Variants in PML observed in about 807,000 individuals in gnomAD.
PML encodes PML nuclear body scaffold.
Under a neutral mutation model 65.2 loss-of-function variants are expected in PML, and 28 were observed. That is an observed-to-expected ratio of 0.43 (90% CI 0.32 to 0.59). The LOEUF is 0.59. Ranked by LOEUF, PML falls within the 20% of genes least tolerant of loss-of-function variation. PML has a pLI of 0.08. For synonymous variants in PML, 500 were observed against 508.8 expected, an observed-to-expected ratio of 0.98 and a Z score of 0.23; for missense variants, 1,021 against 1,203.4, an observed-to-expected ratio of 0.85 and a Z score of 2.24.
intron 7 of PML, among the ~76,000 whole-genome samples, chr15:74,040,685 A>AAG (rs2071676262): frequency 6.6e-6 from 1 of 152,246 alleles, no homozygotes; most frequent in African/African-American, 2.4e-5. Flanking sequence ...CTGGAGTTCC[A>AAG]GTGAGACCAG....
chr15:74,009,748 A>G (rs1326756919), intron 2 of PML, among the ~76,000 whole-genome samples: 1 of 151,752 alleles, frequency 6.6e-6, no homozygotes, highest in Non-Finnish European at 1.5e-5. Flanking sequence ...GTTTGTAGAG[A>G]CGAGTTTTCA....
intron 2 of PML, among the ~76,000 whole-genome samples, chr15:73,998,822 C>T (rs2069627088): frequency 6.6e-6 from 1 of 152,086 alleles, no homozygotes; most frequent in Admixed American, 6.5e-5. Flanking sequence ...ACCAAACTGC[C>T]CTTTAGAATT....
intron 7 of PML, chr15:74,041,263 G>C (rs1295144469): frequency 6.6e-6 from 1 of 152,386 alleles, no homozygotes; most frequent in Non-Finnish European, 1.5e-5. Context: ...CCACCAGCTT[G>C]TGGGAGAGCG....
At chr15:74,012,747 G>C (rs1165562634) in intron 2 of PML, among the ~76,000 whole-genome samples, 1 of 152,162 alleles carries the variant, frequency 6.6e-6, no homozygotes, top group Non-Finnish European at 1.5e-5. Context: ...TTCACCACTG[G>C]TCTTTTTACT....
Position 74,043,306 on chromosome 15 carries a change from C to T in PML, c.1861+167C>T. The T allele has an allele frequency of 1.3e-6, 2 of 1,488,908 alleles. No individual in the cohort carries two copies. Among genetic ancestry groups the T allele is most frequent in the Admixed American group, 4.8e-5 (2 of 41,764 alleles). The allele number at this position is 1,488,908 out of a possible 1,614,324, so 92.2% of individuals were successfully genotyped here. A position where few individuals can be genotyped will look rare whatever the true frequency, so the allele number is the denominator to read the frequency against. On this transcript the variant is annotated intron_variant, in intron 8 of 8. Coordinates refer to ENST00000268058, the MANE Select transcript of PML (RefSeq NM_033238.3). This position sits in a 1 kb window ranked among gnomAD's most constrained non-coding sequence, Gnocchi z 4.3. ...CGGCTCACCTGGGCTCCTGGCGTGT[C>T]ATTTGCTGGCTTGAATAAAGATGTC...
Position 74,035,206 on chromosome 15 carries a change from C to A in PML, c.1710+676C>A, listed in dbSNP as rs768176990. 6.8e-7 allele frequency: 1 copy of A among 1,472,558 alleles called. No homozygotes were observed. Among genetic ancestry groups the A allele is most frequent in the Admixed American group, 1.7e-5 (1 of 59,664 alleles). 91.2% of individuals were successfully genotyped at this position (1,472,558 alleles called of 1,614,324 possible). On this transcript the variant is annotated intron_variant, in intron 7 of 8. Coordinates refer to ENST00000268058, the MANE Select transcript of PML (RefSeq NM_033238.3). This position sits in a 1 kb window ranked among gnomAD's most constrained non-coding sequence, Gnocchi z 4.1. ...CCCATGGAGACCGCCGAGCCACAGT[C>A]CTCGCCAGCCCACTCCTCGCCAGCC... is the stretch of plus-strand genomic sequence containing the variant.
intron 7 of PML, chr15:74,036,275 GACCCCC>G (rs1567138683): frequency 6.8e-7 from 1 of 1,477,156 alleles, no homozygotes; most frequent in African/African-American, 1.4e-5. Flanking sequence ...TCCATGCCCC[GACCCCC>G]ACCCCAAGCC....
chr15:74,002,588 C>T (rs1380402420), intron 2 of PML, among the ~76,000 whole-genome samples: 11 of 148,082 alleles, frequency 7.4e-5, no homozygotes, highest in South Asian at 2.1e-4. Context: ...GGATTACAGG[C>T]GTGTGCCACC....
At chr15:73,999,437 G>T (rs549775499) in intron 2 of PML, among the ~76,000 whole-genome samples, 9 of 152,288 alleles carry the variant, frequency 5.9e-5, no homozygotes. Flanking sequence ...AACTGACTGT[G>T]ATTTGTTTCC....
chr15:74,037,903 G>C lies in PML; in HGVS notation c.1710+3373G>C, dbSNP rs1267880449. 1.3e-5 allele frequency among the ~76,000 whole-genome samples: 2 copies of C among 152,110 alleles called. No homozygotes were observed. The highest frequency in any genetic ancestry group is 1.9e-4 in the East Asian group (1 of 5,198). ...TGATACCCAACACTCGCACCTGCCT[G>C]CCAGACCAGCATGGCCAGTGACCTT... On this transcript the variant is annotated intron_variant, in intron 7 of 8. Transcript: ENST00000268058. This position sits in a 1 kb window ranked among gnomAD's most constrained non-coding sequence, Gnocchi z 4.2.
At chr15:74,011,525 T>C (rs1455506553) in intron 2 of PML, among the ~76,000 whole-genome samples, 1 of 152,000 alleles carries the variant, frequency 6.6e-6, no homozygotes, top group East Asian at 1.9e-4. Flanking sequence ...GAACAGAAAC[T>C]GAAGTGCAGG....
rs1335060757 is a variant in PML, at chr15:74,038,818, C to G, written c.1711-4171C>G. On this transcript the variant is annotated intron_variant, in intron 7 of 8. Transcript: ENST00000268058. ...AAGTGTATCAGGGCATTTAGGAACC[C>G]CTCCCTTGAGCTTCACCTGTGTCCT... 3.3e-5 allele frequency among the ~76,000 whole-genome samples: 5 copies of G among 152,194 alleles called. No homozygotes were observed. The East Asian group carries it at 9.6e-4, about 29-fold the overall frequency.
In PML at chr15:73,997,994, G is replaced by A; in HGVS notation, c.130-10G>A. On this transcript the variant is annotated splice_polypyrimidine_tract_variant and intron_variant, in intron 1 of 8. Transcript: ENST00000268058. ...TTCTCCAGGCCTCACCTGCCTCTCTGGTCCCCCAGCGAGCCCCCGCTTCGG... is the reference window on the plus strand; with the variant it reads ...TTCTCCAGGCCTCACCTGCCTCTCTAGTCCCCCAGCGAGCCCCCGCTTCGG... 6.2e-7 allele frequency: 1 copy of A among 1,610,906 alleles called. No individual in the cohort carries two copies. Among genetic ancestry groups the A allele is most frequent in the Admixed American group, 1.7e-5 (1 of 60,018 alleles).
chr15:74,043,060 G>C lies in PML; in HGVS notation c.1782G>C (p.Arg594Ser), dbSNP rs775792287. 3.7e-6 allele frequency: 6 copies of C among 1,613,346 alleles called. No homozygotes were observed. Among genetic ancestry groups the C allele is most frequent in the South Asian group, 1.1e-5 (1 of 91,002 alleles). Residue 594 changes from arginine (R) to serine (S), a missense_variant, in exon 8 of 9, where the codon AGG (arginine) becomes AGC (serine). By Grantham distance (110) the Arg-to-Ser change is moderately radical. Coordinates refer to ENST00000268058, the MANE Select transcript of PML (RefSeq NM_033238.3). The surrounding 1 kb of genome is among the most constrained non-coding windows in gnomAD (Gnocchi z 4.3). The part of the protein sequence containing the change: ...DLQLEGPSTL[R>S]VLDENLADPQ... ...AGCTGGAAGGCCCCAGCACCCTCAG[G>C]GTCCTGGACGAGAACCTTGCTGACC...
chr15:73,998,364 C>G lies in PML; in HGVS notation c.490C>G (p.Arg164Gly). 6.2e-7 allele frequency: 1 copy of G among 1,614,150 alleles called. No individual in the cohort carries two copies. Among genetic ancestry groups the G allele is most frequent in the Non-Finnish European group, 8.5e-7 (1 of 1,180,008 alleles). Reference protein sequence around the residue: ...AHQWFLKHEARPLAELRNQSV... With the variant: ...AHQWFLKHEAGPLAELRNQSV... ...CCAGTGGTTCCTCAAGCACGAGGCC[C>G]GGCCCCTAGCAGAGCTGCGCAACCA... The change falls in exon 2 of 9, where the codon CGG becomes GGG. Residue 164 changes from arginine (R) to glycine (G), a missense_variant. Transcript: ENST00000268058.
Position 74,042,731 on chromosome 15 carries a change from C to A in PML, c.1711-258C>A. ...CATTCCCACACATGCACGTTCACAA[C>A]CTGTGTGTGTCACCCTTCCTCCCCT... is the stretch of plus-strand genomic sequence containing the variant. On this transcript the variant is annotated intron_variant, in intron 7 of 8. Transcript: ENST00000268058. This position sits in a 1 kb window ranked among gnomAD's most constrained non-coding sequence, Gnocchi z 5.3. 1 of 985,410 alleles carries A rather than the reference C, an allele frequency of 1.0e-6. No homozygotes were observed. Among genetic ancestry groups the A allele is most frequent in the Non-Finnish European group, 1.2e-6 (1 of 829,928 alleles). 61.0% of individuals were successfully genotyped at this position (985,410 alleles called of 1,614,324 possible). A position where few individuals can be genotyped will look rare whatever the true frequency, so the allele number is the denominator to read the frequency against.
Position 74,045,278 on chromosome 15 carries a change from G to A in PML, c.*270G>A. The A allele has an allele frequency of 2.1e-6, 1 of 485,882 alleles. No homozygotes were observed. 30.1% of individuals were successfully genotyped at this position (485,882 alleles called of 1,614,324 possible). A position where few individuals can be genotyped will look rare whatever the true frequency, so the allele number is the denominator to read the frequency against. On this transcript the variant is annotated 3_prime_UTR_variant, in exon 9 of 9. Transcript: ENST00000268058. ...GGAGCTAGAACCAGGGAGGTCCTGA[G>A]TGAGGAAGGCATGACCTCTGGGCTC...
At chr15:74,020,622 A>G (rs2070794264) in intron 2 of PML, among the ~76,000 whole-genome samples, 1 of 152,134 alleles carries the variant, frequency 6.6e-6, no homozygotes, top group Non-Finnish European at 1.5e-5. Flanking sequence ...AACTACCACA[A>G]ATTTAGGGGC....
chr15:74,033,073 C>T, intron 5 of PML, 83 bp from the exon 6 acceptor site: 1 of 1,503,066 alleles, frequency 6.7e-7, no homozygotes, highest in Non-Finnish European at 9.2e-7. Context: ...AAAGGGTGGC[C>T]ACAAGTCCCT....
Sources: gnomAD v4.1 joint callset for allele counts (sites outside exome capture counted in the v4.1 genomes callset) on GRCh38, gnomAD v4.1.1 for gene constraint, Gnocchi (gnomAD v3.1) non-coding constraint, MANE v1.5 for transcripts, NCBI Gene and HGNC (gene_info 2026-07-23, HGNC 2026-07-21) for gene names.